ENTHD1: variants seen among roughly 807,000 people sequenced by gnomAD.
ENTHD1 encodes the protein ENTH domain-containing protein 1.
ENTHD1 carries 23 observed loss-of-function variants against 39.1 expected under a neutral mutation model. That is an observed-to-expected ratio of 0.59 (90% CI 0.42 to 0.83). The LOEUF (loss-of-function observed/expected upper bound fraction) is 0.83. Among genes scored for constraint, ENTHD1 ranks in the 40% least tolerant of loss-of-function variants. The pLI is 0.00. For missense variants in ENTHD1, 624 were observed against 705.4 expected, an observed-to-expected ratio of 0.88 and a Z score of 1.31; for synonymous variants, 230 against 258.2, an observed-to-expected ratio of 0.89 and a Z score of 1.05.
chr22:39,857,563 T>C (rs1382568530), intron 3 of ENTHD1, among the ~76,000 whole-genome samples: 1 of 152,082 alleles, frequency 6.6e-6, no homozygotes, highest in Admixed American at 6.5e-5. Context: ...TAGGGATTCA[T>C]TTCTTAAGCT....
chr22:39,838,871 A>G (rs1442246427), intron 3 of ENTHD1, among the ~76,000 whole-genome samples: 1 of 152,168 alleles, frequency 6.6e-6, no homozygotes, highest in Non-Finnish European at 1.5e-5. Context: ...GAAATGTAGA[A>G]TAAACATATG....
intron 5 of ENTHD1, among the ~76,000 whole-genome samples, chr22:39,817,994 A>G (rs558422784): frequency 2.0e-5 from 3 of 152,312 alleles, no homozygotes; most frequent in African/African-American, 4.8e-5. Context: ...GAGAGGTTGT[A>G]GGGGGGTCTA....
chr22:39,752,502 A>T (rs1478764040), intron 6 of ENTHD1, among the ~76,000 whole-genome samples: 2 of 152,242 alleles, frequency 1.3e-5, no homozygotes, highest in African/African-American at 2.4e-5. Context: ...CTGAGAATAC[A>T]CTAAAAGCTA....
At chr22:39,856,702 A>G (rs2066091312) in intron 3 of ENTHD1, among the ~76,000 whole-genome samples, 3 of 152,144 alleles carry the variant, frequency 2.0e-5, no homozygotes, top group African/African-American at 7.2e-5. Flanking sequence ...TATTTTTTCA[A>G]GTCAGCTGGG....
intron 6 of ENTHD1, chr22:39,751,423 T>A (rs1190944388): frequency 6.6e-6 from 1 of 152,448 alleles, no homozygotes; most frequent in Admixed American, 6.5e-5. Context: ...AGTGGAGAGG[T>A]CTGAAAAGCC....
chr22:39,754,578 C>G (rs768823119), intron 6 of ENTHD1, among the ~76,000 whole-genome samples: 2 of 152,196 alleles, frequency 1.3e-5, no homozygotes, highest in Non-Finnish European at 2.9e-5. Context: ...TTACAAATAA[C>G]AAGCAGTAAC....
chr22:39,861,616 C>T (rs1358348251), intron 3 of ENTHD1, 149 bp downstream of exon 3: 2 of 530,496 alleles, frequency 3.8e-6, no homozygotes, highest in African/African-American at 2.0e-5. Flanking sequence ...GAATATTCTT[C>T]GTTGTTGTTT....
At chr22:39,800,913 C>T (rs925936586) in intron 5 of ENTHD1, among the ~76,000 whole-genome samples, 8 of 152,072 alleles carry the variant, frequency 5.3e-5, no homozygotes, top group African/African-American at 7.2e-5. Flanking sequence ...TTTACCCTGG[C>T]GACAATGAAA....
intron 5 of ENTHD1, among the ~76,000 whole-genome samples, chr22:39,771,364 C>A (rs1255006052): frequency 1.3e-5 from 2 of 152,074 alleles, no homozygotes; most frequent in African/African-American, 2.4e-5. Context: ...CCAGCCAGCT[C>A]TACAGTAATT....
chr22:39,842,195 G>A (rs1337435399), intron 3 of ENTHD1, among the ~76,000 whole-genome samples: 2 of 151,040 alleles, frequency 1.3e-5, no homozygotes, highest in East Asian at 3.9e-4. Context: ...CAACTTTGGT[G>A]AATCTGACAA....
At chr22:39,871,208 TAAATA>T (rs1052910701) in intron 2 of ENTHD1, among the ~76,000 whole-genome samples, 2 of 151,134 alleles carry the variant, frequency 1.3e-5, no homozygotes, top group African/African-American at 4.9e-5. Context: ...AATAAATAAA[TAAATA>T]AATAAATACG....
intron 2 of ENTHD1, among the ~76,000 whole-genome samples, chr22:39,871,107 C>G (rs1023077791): frequency 1.5e-4 from 22 of 151,684 alleles, no homozygotes; most frequent in African/African-American, 4.8e-4. Context: ...GAGTTGGAAG[C>G]TGCAGTGAGC....
intron 2 of ENTHD1, among the ~76,000 whole-genome samples, chr22:39,885,873 C>T (rs2066375195): frequency 6.6e-6 from 1 of 152,040 alleles, no homozygotes; most frequent in African/African-American, 2.4e-5. Context: ...AAGAATTTTA[C>T]AAATAGTGGT....
intron 5 of ENTHD1, among the ~76,000 whole-genome samples, chr22:39,775,256 G>A (rs976573322): frequency 4.6e-5 from 7 of 152,104 alleles, no homozygotes; most frequent in Non-Finnish European, 1.0e-4. Context: ...GTCACCTATA[G>A]GGTACTGCAA....
chr22:39,815,443 C>CAA (rs767994996), intron 5 of ENTHD1, among the ~76,000 whole-genome samples: 2 of 120,966 alleles, frequency 1.7e-5, no homozygotes, highest in African/African-American at 3.1e-5. Context: ...AACTCCGTCT[C>CAA]AAAAAAAAAA....
Position 39,744,025 on chromosome 22 carries a change from A to G in ENTHD1, c.1478T>C (p.Ile493Thr). ...AGCAGAATCAGAGTTATTTGGAAGA[A>G]TTCCCAGTAGATTGAGGCTATCATT... ...EENDSLNLLG[I>T]LPNNSDSAKK... The change falls in exon 7 of 7, where the codon ATT becomes ACT. Residue 493 changes from isoleucine to threonine, a missense_variant. Coordinates refer to ENST00000325157, the MANE Select transcript of ENTHD1 (RefSeq NM_152512.4). 6.2e-7 allele frequency: 1 copy of G among 1,614,184 alleles called. No individual in the cohort carries two copies. The highest frequency in any genetic ancestry group is 8.5e-7 in the Non-Finnish European group (1 of 1,180,006).
chr22:39,767,357 C>A (rs1402737117), intron 5 of ENTHD1, among the ~76,000 whole-genome samples: 2 of 151,962 alleles, frequency 1.3e-5, no homozygotes, highest in African/African-American at 4.8e-5. Context: ...ATAAGCCAGG[C>A]GCAGTGCCTG....
chr22:39,803,789 T>TTC (rs1297446445), intron 5 of ENTHD1, among the ~76,000 whole-genome samples: 1 of 152,188 alleles, frequency 6.6e-6, no homozygotes, highest in Non-Finnish European at 1.5e-5. Flanking sequence ...ATAGCAATAC[T>TTC]TCTCATCAGT....
At chr22:39,831,705 A>G (rs2146669350) in intron 4 of ENTHD1, among the ~76,000 whole-genome samples, 2 of 152,078 alleles carry the variant, frequency 1.3e-5, no homozygotes, top group South Asian at 4.1e-4. Context: ...GGGCGTCTGT[A>G]TACCCAGCTA....
Sources: gnomAD v4.1 joint callset for allele counts (sites outside exome capture counted in the v4.1 genomes callset) on GRCh38, gnomAD v4.1.1 for gene constraint, MANE v1.5 for transcripts, NCBI Gene and HGNC (gene_info 2026-07-23, HGNC 2026-07-21) for gene names.